The following RBAK variants were observed in gnomAD, a reference collection of about 807,000 sequenced individuals.
RBAK encodes the protein RB associated KRAB zinc finger.
Under a neutral mutation model 65.8 loss-of-function variants are expected in RBAK, and 39 were observed. The ratio of observed to expected loss-of-function variants is 0.59; its 90% confidence interval spans 0.46 to 0.77. The LOEUF is 0.77. Among genes scored for constraint, RBAK ranks in the 30% least tolerant of loss-of-function variants. RBAK has a pLI of 0.00. For synonymous variants in RBAK, 343 were observed against 289.7 expected (o/e 1.18, Z -1.87); for missense variants, 884 against 855.1 (o/e 1.03, Z -0.42).
At chr7:5,051,342 A>G (rs566617904) in intron 2 of RBAK, among the ~76,000 whole-genome samples, 2 of 152,196 alleles carry the variant, frequency 1.3e-5, no homozygotes, top group South Asian at 2.1e-4. Flanking sequence ...ATGTGTGTAC[A>G]TATTTTTATA....
intron 2 of RBAK, among the ~76,000 whole-genome samples, chr7:5,053,284 A>G (rs985997751): frequency 1.3e-5 from 2 of 152,146 alleles, no homozygotes; most frequent in Non-Finnish European, 2.9e-5. Flanking sequence ...ATTTCTCCAC[A>G]GTGCTTTAAA....
At position 5,067,285 on chromosome 7, in the gene RBAK, C is replaced by G. The variant is rs2115050523; in HGVS notation, c.*1684C>G. The G allele has an allele frequency of 6.6e-6, 1 of 152,258 alleles. No individual in the cohort carries two copies. The highest frequency in any genetic ancestry group is 2.1e-4 in the South Asian group (1 of 4,828). 9.4% of individuals were successfully genotyped at this position (152,258 alleles called of 1,614,324 possible). A position where few individuals can be genotyped will look rare whatever the true frequency, so the allele number is the denominator to read the frequency against. On this transcript the variant is annotated 3_prime_UTR_variant, in exon 5 of 5. Coordinates refer to ENST00000396912, the MANE Select transcript of RBAK (RefSeq NM_021163.4). Reference sequence around the variant, plus strand: ...GAAAAAGAATATAAATCTCTATTTGCAGATGCCATGAGTAAATTTGGTAAG... The same window carrying G: ...GAAAAAGAATATAAATCTCTATTTGGAGATGCCATGAGTAAATTTGGTAAG...
chr7:5,065,393 C>A lies in RBAK; in HGVS notation c.1937C>A (p.Ser646Ter), dbSNP rs765129425. The change falls in exon 5 of 5, where the codon TCA becomes TAA. Residue 646 changes from serine (S) to a stop codon, truncating the protein, a stop_gained. Transcript: ENST00000396912. LOFTEE classifies it high-confidence loss of function. This position sits in a 1 kb window ranked among gnomAD's most constrained non-coding sequence, Gnocchi z 5.3. ...CTCACTGTCCACTACAGAAGCCATT[C>A]AGGAGAGAAACCCTATGAATGTAAT... ...SNLTVHYRSH[S>*]GEKPYECNEC... 1.1e-5 allele frequency: 17 copies of A among 1,611,428 alleles called. No individual in the cohort carries two copies. The highest frequency in any genetic ancestry group is 1.4e-5 in the Non-Finnish European group (17 of 1,179,056).
chr7:5,052,911 C>G lies in RBAK; in HGVS notation c.16-4384C>G, dbSNP rs988998060. On this transcript the variant is annotated intron_variant, in intron 2 of 4. Transcript: ENST00000396912. ...GGTAGCTGGGATTACAGACACCCAC[C>G]ACCACACCCGGCTAATTTTGGTATT... Among the ~76,000 whole-genome samples the G allele has an allele frequency of 1.8e-4, 27 of 152,112 alleles. 1 individual carries two copies. The highest frequency in any genetic ancestry group is 6.5e-4 in the Admixed American group (10 of 15,268).
Position 5,064,704 on chromosome 7 carries a change from G to T in RBAK, c.1248G>T (p.Leu416=). The T allele has an allele frequency of 6.2e-7, 1 of 1,611,926 alleles. No individual in the cohort carries two copies. The part of the protein sequence containing the change: ...CGKSYYRKST[L]ITHQRTHTGE... ...AATCCTACTACCGAAAGTCTACTCT[G>T]ATTACACATCAGAGAACACACACGG... The change falls in exon 5 of 5, where the codon CTG becomes CTT. Residue 416 remains leucine, a synonymous_variant. Transcript: ENST00000396912. The surrounding 1 kb of genome is among the most constrained non-coding windows in gnomAD (Gnocchi z 6.3).
intron 1 of RBAK, 124 bp downstream of exon 1, chr7:5,046,520 G>C (rs1787988503): frequency 2.7e-6 from 1 of 365,720 alleles, no homozygotes; most frequent in Non-Finnish European, 5.3e-6. Context: ...GTGTGTTTGG[G>C]TTTGAGGGCA....
Position 5,065,646 on chromosome 7 carries a change from T to TG in RBAK, c.*49dup, listed in dbSNP as rs750819352. 2 of 1,354,042 alleles carry TG rather than the reference T, an allele frequency of 1.5e-6. No individual in the cohort carries two copies. Among genetic ancestry groups the TG allele is most frequent in the African/African-American group, 1.5e-5 (1 of 68,396 alleles). The allele number at this position is 1,354,042 out of a possible 1,614,324, so 83.9% of individuals were successfully genotyped here. Reference sequence around the variant, plus strand: ...GAAAACTCTCTGAATATAATGAATATGGGGAATCCAATAGGAAGTCAAAGC... The same window carrying TG: ...GAAAACTCTCTGAATATAATGAATATGGGGGAATCCAATAGGAAGTCAAAGC... On this transcript the variant is annotated 3_prime_UTR_variant, in exon 5 of 5. Coordinates refer to ENST00000396912, the MANE Select transcript of RBAK (RefSeq NM_021163.4). The surrounding 1 kb of genome is among the most constrained non-coding windows in gnomAD (Gnocchi z 5.3).
intron 2 of RBAK, among the ~76,000 whole-genome samples, chr7:5,055,383 A>C (rs939880417): frequency 6.6e-5 from 10 of 152,222 alleles, no homozygotes; most frequent in Middle Eastern, 3.4e-3. Flanking sequence ...TTAGGGTGCA[A>C]TATTTATATT....
At chr7:5,055,468 A>G (rs1419721912) in intron 2 of RBAK, among the ~76,000 whole-genome samples, 1 of 152,108 alleles carries the variant, frequency 6.6e-6, no homozygotes, top group African/African-American at 2.4e-5. Context: ...TTTTTAAATC[A>G]GCTTTTTCTG....
chr7:5,055,796 G>A (rs756812408), intron 2 of RBAK, among the ~76,000 whole-genome samples: 1 of 151,996 alleles, frequency 6.6e-6, no homozygotes, highest in Non-Finnish European at 1.5e-5. Flanking sequence ...CTCTCTCGGT[G>A]ATTTTATCAG....
rs1787962456 is a variant in RBAK, at chr7:5,045,865, C to T, written c.-576C>T. 3.0e-6 allele frequency: 1 copy of T among 336,338 alleles called. No individual in the cohort carries two copies. The highest frequency in any genetic ancestry group is 2.2e-5 in the South Asian group (1 of 45,530). The allele number at this position is 336,338 out of a possible 1,614,324, so 20.8% of individuals were successfully genotyped here. A position where few individuals can be genotyped will look rare whatever the true frequency, so the allele number is the denominator to read the frequency against. ...CGCATGCGCGCCGCCGCTGCACTGC[C>T]CTCGCTTCCTGTGCGTCCTCAGGTC... On this transcript the variant is annotated 5_prime_UTR_variant, in exon 1 of 5. Coordinates refer to ENST00000396912, the MANE Select transcript of RBAK (RefSeq NM_021163.4).
At chr7:5,062,008 G>A (rs10272726) in intron 4 of RBAK, among the ~76,000 whole-genome samples, 82,819 of 151,992 alleles carry the variant, frequency 0.54, 23,159 homozygotes, top group African/African-American at 0.67. Context: ...GTAAACGTGA[G>A]GAAATCAAAG....
Position 5,065,054 on chromosome 7 carries a change from C to G in RBAK, c.1598C>G (p.Pro533Arg). The G allele has an allele frequency of 1.2e-6, 2 of 1,613,040 alleles. No individual in the cohort carries two copies. The highest frequency in any genetic ancestry group is 1.7e-6 in the Non-Finnish European group (2 of 1,179,710). ...NSAFDGHQPL[P>R]KGEKSYECNV... ...GCCTTCGATGGGCACCAGCCACTTC[C>G]AAAAGGGGAGAAATCCTATGAATGT... is the stretch of plus-strand genomic sequence containing the variant. Residue 533 changes from proline (P) to arginine (R), a missense_variant, in exon 5 of 5, where the codon CCA (proline) becomes CGA (arginine). Coordinates refer to ENST00000396912, the MANE Select transcript of RBAK (RefSeq NM_021163.4). This position sits in a 1 kb window ranked among gnomAD's most constrained non-coding sequence, Gnocchi z 5.3.
At chr7:5,063,056 A>G (rs1252801533) in intron 4 of RBAK, among the ~76,000 whole-genome samples, 1 of 152,158 alleles carries the variant, frequency 6.6e-6, no homozygotes, top group Admixed American at 6.5e-5. Flanking sequence ...TTAAGAGATT[A>G]AAGTAAAGAC....
rs1448293521 is a variant in RBAK, at chr7:5,068,623, G to C, written c.*3022G>C. The stretch of plus-strand genomic sequence containing the variant: ...GGAACTGTACACTACTGGTGGAATT[G>C]CTCATCGATAAAACCATTTTGAAAG... On this transcript the variant is annotated 3_prime_UTR_variant, in exon 5 of 5. Transcript: ENST00000396912. 1 of 152,198 alleles carries C rather than the reference G, an allele frequency of 6.6e-6. No homozygotes were observed. Among genetic ancestry groups the C allele is most frequent in the Non-Finnish European group, 1.5e-5 (1 of 68,034 alleles). 9.4% of individuals were successfully genotyped at this position (152,198 alleles called of 1,614,324 possible). A position where few individuals can be genotyped will look rare whatever the true frequency, so the allele number is the denominator to read the frequency against.
Position 5,064,176 on chromosome 7 carries a change from A to G in RBAK, c.720A>G (p.Pro240=). The change falls in exon 5 of 5, where the codon CCA becomes CCG. Residue 240 remains proline (P), a synonymous_variant. Transcript: ENST00000396912. The surrounding 1 kb of genome is among the most constrained non-coding windows in gnomAD (Gnocchi z 6.3). ...EKPYEWNDSG[P]DFIQMSNFNA... is the part of the protein sequence containing the mutation. ...CCTATGAGTGGAATGATTCTGGACC[A>G]GACTTCATACAGATGTCAAATTTTA... 6.2e-7 allele frequency: 1 copy of G among 1,613,992 alleles called. No homozygotes were observed. The highest frequency in any genetic ancestry group is 8.5e-7 in the Non-Finnish European group (1 of 1,179,932).
At chr7:5,053,996 GTTC>G (rs1216353017) in intron 2 of RBAK, among the ~76,000 whole-genome samples, 5 of 152,246 alleles carry the variant, frequency 3.3e-5, no homozygotes, top group African/African-American at 9.6e-5. Context: ...ATCTGTCTCT[GTTC>G]TTCTTCCCTG....
intron 2 of RBAK, among the ~76,000 whole-genome samples, chr7:5,053,978 C>A (rs530880253): frequency 6.6e-6 from 1 of 152,302 alleles, no homozygotes; most frequent in African/African-American, 2.4e-5. Context: ...GCAACTCTTA[C>A]ACCTCACATC....
At chr7:5,061,447 C>CTTTTTTTTT in intron 4 of RBAK, among the ~76,000 whole-genome samples, 1 of 113,656 alleles carries the variant, frequency 8.8e-6, no homozygotes, top group Non-Finnish European at 1.8e-5. Flanking sequence ...TTTTGTTTTT[C>CTTTTTTTTT]TTTTTCTTTT....
Sources: allele counts gnomAD v4.1 joint callset (sites outside exome capture counted in the v4.1 genomes callset), GRCh38; gene constraint gnomAD v4.1.1; non-coding constraint Gnocchi (gnomAD v3.1); transcripts MANE v1.5; gene names NCBI Gene and HGNC (gene_info 2026-07-23, HGNC 2026-07-21).